The following LARP1 variants were observed in gnomAD, a reference collection of about 807,000 sequenced individuals.
LARP1 encodes la-related protein 1.
LARP1 carries 36 observed loss-of-function variants against 122.7 expected under a neutral mutation model. The ratio of observed to expected loss-of-function variants is 0.29; its 90% CI spans 0.22 to 0.39. The LOEUF is 0.39. Among genes scored for constraint, LARP1 ranks in the 10% least tolerant of loss-of-function variants. LARP1 has a pLI of 1.00. For synonymous variants in LARP1, 539 were observed against 528.7 expected (o/e 1.02, Z -0.27); for missense variants, 1,040 against 1,403.6 (o/e 0.74, Z 4.14).
At chr5:154,683,477 C>A (rs1227471966) in intron 1 of LARP1, among the ~76,000 whole-genome samples, 1 of 152,128 alleles carries the variant, frequency 6.6e-6, no homozygotes, top group Admixed American at 6.5e-5. Context: ...ATAACTCTAG[C>A]CTATTTCTGA....
intron 1 of LARP1, among the ~76,000 whole-genome samples, chr5:154,768,206 A>G (rs1033770828): frequency 4.6e-5 from 7 of 152,140 alleles, no homozygotes; most frequent in African/African-American, 9.7e-5. Flanking sequence ...TGACATGGTA[A>G]TATTTGGGAC....
intron 1 of LARP1, among the ~76,000 whole-genome samples, chr5:154,726,122 G>A (rs1177526039): frequency 2.6e-5 from 4 of 152,096 alleles, no homozygotes; most frequent in African/African-American, 9.7e-5. Context: ...TTACAGGTGT[G>A]AGCCACCGCA....
chr5:154,760,982 C>G (rs1175303977), intron 1 of LARP1, among the ~76,000 whole-genome samples: 1 of 152,172 alleles, frequency 6.6e-6, no homozygotes, highest in African/African-American at 2.4e-5. Flanking sequence ...AACTGTGTAA[C>G]TGGATATATT....
intron 1 of LARP1, among the ~76,000 whole-genome samples, chr5:154,756,890 A>C (rs1014636579): frequency 6.6e-6 from 1 of 151,008 alleles, no homozygotes; most frequent in Non-Finnish European, 1.5e-5. Flanking sequence ...TGGGGGAGCC[A>C]GTTAGGAGGT....
At chr5:154,715,264 CTTTTTTTTT>C (rs35808885) in intron 1 of LARP1, among the ~76,000 whole-genome samples, 2 of 90,236 alleles carry the variant, frequency 2.2e-5, no homozygotes, top group East Asian at 3.3e-4. Flanking sequence ...GCAAGCCTCT[CTTTTTTTTT>C]TTTTTTTTTT....
At chr5:154,705,307 T>C (rs1456974589) in intron 1 of LARP1, among the ~76,000 whole-genome samples, 1 of 152,188 alleles carries the variant, frequency 6.6e-6, no homozygotes, top group African/African-American at 2.4e-5. Context: ...TAGGCTAGTC[T>C]GAAGATAGTG....
intron 7 of LARP1, among the ~76,000 whole-genome samples, chr5:154,794,654 C>G (rs1310486731): frequency 1.3e-5 from 2 of 152,192 alleles, no homozygotes; most frequent in Non-Finnish European, 2.9e-5. Flanking sequence ...TGTTGAATTC[C>G]TATGAGCTGA....
chr5:154,794,079 T>C (rs1757560494), intron 6 of LARP1, 21 bp from the exon 7 acceptor site: 1 of 1,613,738 alleles, frequency 6.2e-7, no homozygotes, highest in Admixed American at 1.7e-5. Context: ...CTCTCCCTCA[T>C]GGCACCCGTT....
chr5:154,791,037 G>A (rs909256641), intron 3 of LARP1, among the ~76,000 whole-genome samples: 2 of 151,746 alleles, frequency 1.3e-5, no homozygotes, highest in Non-Finnish European at 2.9e-5. Flanking sequence ...GGCTGGTCTC[G>A]AACTCCTGAC....
chr5:154,756,404 G>A lies in LARP1; in HGVS notation c.436+211G>A, dbSNP rs953996278. ...CCCCTGCCCGAGGGCCCGGCCTCCGGGAGGCTACGGCCACCGCCTGGGCCG... is the reference window on the plus strand; with the variant it reads ...CCCCTGCCCGAGGGCCCGGCCTCCGAGAGGCTACGGCCACCGCCTGGGCCG... On this transcript the variant is annotated intron_variant, in intron 1 of 18. Coordinates refer to ENST00000518297, the MANE Select transcript of LARP1 (RefSeq NM_033551.3). The A allele has an allele frequency of 2.7e-5, 27 of 995,900 alleles. No homozygotes were observed. In the African/African-American group the frequency reaches 4.2e-4, roughly 15 times the overall value. 61.7% of individuals were successfully genotyped at this position (995,900 alleles called of 1,614,324 possible).
At chr5:154,758,980 T>C (rs73276742) in intron 1 of LARP1, among the ~76,000 whole-genome samples, 24,406 of 152,170 alleles carry the variant, frequency 0.16, 2,502 homozygotes, top group African/African-American at 0.29. Flanking sequence ...AAAATTTTTG[T>C]CTTATCCTAG....
At chr5:154,730,721 CT>C (rs1756507941) in intron 1 of LARP1, among the ~76,000 whole-genome samples, 1 of 151,774 alleles carries the variant, frequency 6.6e-6, no homozygotes, top group Non-Finnish European at 1.5e-5. Context: ...ATCTGCCTGC[CT>C]CGGCCTCCCA....
At chr5:154,812,528 T>C (rs1759366919) in intron 18 of LARP1, among the ~76,000 whole-genome samples, 1 of 62,582 alleles carries the variant, frequency 1.6e-5, no homozygotes, top group Non-Finnish European at 2.9e-5. Flanking sequence ...ACCCCCCCTT[T>C]TTTTTTTTGG....
intron 8 of LARP1, among the ~76,000 whole-genome samples, chr5:154,797,221 G>GGTTTTTTTTTTTTTT (rs1757940079): frequency 6.7e-5 from 2 of 29,748 alleles, no homozygotes; most frequent in African/African-American, 2.1e-4. Flanking sequence ...TGTTGTTGTT[G>GGTTTTTTTTTTTTTT]TTTTTTTTTT....
rs531234387 is a variant in LARP1 at position 154,724,958 on chromosome 5, G to A, written c.205+11828G>A. ...TGGGATTACAGGCATGAGCCATCTC[G>A]CCTGGCCACCACTGGGAATTATTAA... On this transcript the variant is annotated intron_variant, in intron 1 of 18. Coordinates refer to the LARP1 transcript ENST00000336314. Among the ~76,000 whole-genome samples, 22 of 152,246 alleles carry A rather than the reference G, an allele frequency of 1.4e-4. No individual in the cohort carries two copies. In the South Asian group the frequency reaches 1.5e-3, roughly 10 times the overall value.
At chr5:154,762,338 T>G (rs1053084687) in intron 1 of LARP1, among the ~76,000 whole-genome samples, 1 of 152,180 alleles carries the variant, frequency 6.6e-6, no homozygotes, top group Non-Finnish European at 1.5e-5. Flanking sequence ...AAGCCAGATA[T>G]TGGTAATTAC....
rs186286751 is a variant in LARP1, at chr5:154,794,341, C to T, written c.1232+79C>T. 5 of 1,436,718 alleles carry T rather than the reference C, an allele frequency of 3.5e-6. No individual in the cohort carries two copies. The Admixed American group carries it at 1.0e-4, about 29-fold the overall frequency. 89.0% of individuals were successfully genotyped at this position (1,436,718 alleles called of 1,614,324 possible). ...TGCTAGAGTGTCATAGCTGGGCAGG[C>T]CCTTCTGGTGCTTAGCAGCAGTTTC... On this transcript the variant is annotated intron_variant, in intron 7 of 18. Coordinates refer to ENST00000518297, the MANE Select transcript of LARP1 (RefSeq NM_033551.3).
chr5:154,774,423 T>TG (rs1420090093), intron 1 of LARP1, among the ~76,000 whole-genome samples: 3 of 152,148 alleles, frequency 2.0e-5, no homozygotes, highest in Non-Finnish European at 4.4e-5. Flanking sequence ...GGGGGTGCCT[T>TG]GGTTTGCACT....
chr5:154,755,513 C>G lies in LARP1; in HGVS notation c.-245C>G, dbSNP rs1207899151. The G allele has an allele frequency of 1.6e-5, 16 of 980,752 alleles. No individual in the cohort carries two copies. Among genetic ancestry groups the G allele is most frequent in the Non-Finnish European group, 1.9e-5 (16 of 824,330 alleles). 60.8% of individuals were successfully genotyped at this position (980,752 alleles called of 1,614,324 possible). On this transcript the variant is annotated 5_prime_UTR_variant, in exon 1 of 19. Transcript: ENST00000518297. ...GGAACGGGCGGGGGGGGACGCACGC[C>G]TAGGAGGCCTGGACTGCAGAGTGGG...
Sources: gnomAD v4.1 joint callset for allele counts (sites outside exome capture counted in the v4.1 genomes callset) on GRCh38, gnomAD v4.1.1 for gene constraint, MANE v1.5 for transcripts, NCBI Gene and HGNC (gene_info 2026-07-23, HGNC 2026-07-21) for gene names.